The following CCNJ variants were observed in gnomAD, a reference collection of about 807,000 sequenced individuals.
The protein encoded by CCNJ is cyclin J.
CCNJ carries 12 observed loss-of-function variants against 41.4 expected under a neutral mutation model. That is an observed-to-expected ratio of 0.29 (90% CI 0.19 to 0.47). The LOEUF (loss-of-function observed/expected upper bound fraction) is 0.47. Ranked by LOEUF, CCNJ falls within the 20% of genes least tolerant of loss-of-function variation. The probability of loss-of-function intolerance (pLI) is 1.00; values close to 1 mark genes in which losing one functional copy is unlikely to be tolerated. For missense variants in CCNJ, 340 were observed against 464.6 expected (o/e 0.73, Z 2.47); for synonymous variants, 161 against 173.4 (o/e 0.93, Z 0.56).
chr10:96,059,548 A>G lies in CCNJ; in HGVS notation c.*1307A>G, dbSNP rs758655578. The G allele has an allele frequency of 6.6e-6, 1 of 152,216 alleles. No homozygotes were observed. Among genetic ancestry groups the G allele is most frequent in the African/African-American group, 2.4e-5 (1 of 41,426 alleles). 9.4% of individuals were successfully genotyped at this position (152,216 alleles called of 1,614,324 possible). ...AATAACCTTAAAAAGTTAAAAAGTC[A>G]TTGTAATAACTGATAAACTGTATAC... is the stretch of plus-strand genomic sequence containing the variant. On this transcript the variant is annotated 3_prime_UTR_variant, in exon 6 of 6. Transcript: ENST00000465148.
At position 96,058,616 on chromosome 10, in the gene CCNJ, T is replaced by TG. The variant is rs1346706343; in HGVS notation, c.*375_*376insG. The TG allele has an allele frequency of 1.2e-5, 5 of 410,390 alleles. No individual in the cohort carries two copies. The highest frequency in any genetic ancestry group is 2.2e-5 in the Non-Finnish European group (5 of 232,456). 25.4% of individuals were successfully genotyped at this position (410,390 alleles called of 1,614,324 possible). ...GGCTTCTAAGTCAAAGACTAAATGTTTATCTCATCTATGGACTTGCCAAAC... is the reference window on the plus strand; with the variant it reads ...GGCTTCTAAGTCAAAGACTAAATGTTGTATCTCATCTATGGACTTGCCAAAC... On this transcript the variant is annotated 3_prime_UTR_variant, in exon 6 of 6. Transcript: ENST00000465148.
intron 2 of CCNJ, among the ~76,000 whole-genome samples, chr10:96,048,670 A>G (rs1243462778): frequency 1.3e-5 from 2 of 152,220 alleles, no homozygotes; most frequent in Non-Finnish European, 2.9e-5. Context: ...TAGGTAACTC[A>G]TTAAGTGGAA....
In CCNJ at chr10:96,043,695, G is replaced by A. The variant is rs943597021; in HGVS notation, c.-66G>A. On this transcript the variant is annotated 5_prime_UTR_variant, in exon 1 of 6. Transcript: ENST00000465148. Reference sequence around the variant, plus strand: ...GCGTCCGCCGCACGACGGCGGGGCTGGGGCTGTGAGGGCCGCGGTTCCGGG... The same window carrying A: ...GCGTCCGCCGCACGACGGCGGGGCTAGGGCTGTGAGGGCCGCGGTTCCGGG... The A allele has an allele frequency of 1.1e-4, 44 of 393,378 alleles. No homozygotes were observed. The highest frequency in any genetic ancestry group is 1.8e-4 in the Non-Finnish European group (39 of 222,792). The allele number at this position is 393,378 out of a possible 1,614,324, so 24.4% of individuals were successfully genotyped here. A position where few individuals can be genotyped will look rare whatever the true frequency, so the allele number is the denominator to read the frequency against.
Position 96,052,225 on chromosome 10 carries a change from A to G in CCNJ, c.280+1759A>G, listed in dbSNP as rs537520183. Among the ~76,000 whole-genome samples, 26 of 152,304 alleles carry G rather than the reference A, an allele frequency of 1.7e-4. No homozygotes were observed. In the South Asian group the frequency reaches 5.2e-3, roughly 30 times the overall value. ...TGTATGTGTTTAATCACTGGCTGTGAAGCCCTTTGGGGTTTAATAGTTTGT... is the reference window on the plus strand; with the variant it reads ...TGTATGTGTTTAATCACTGGCTGTGGAGCCCTTTGGGGTTTAATAGTTTGT... On this transcript the variant is annotated intron_variant, in intron 3 of 5. Transcript: ENST00000465148.
chr10:96,050,324 G>T lies in CCNJ; in HGVS notation c.138G>T (p.Leu46Phe). Residue 46 changes from leucine (L) to phenylalanine (F), a missense_variant, in exon 3 of 6, where the codon TTG becomes TTT. Physicochemically the swap from Leu to Phe is conservative, Grantham distance 22. Transcript: ENST00000465148. ...QLSLRRYFAD[L>F]IAIVSNRFTL... ...GTCTCAGACGGTATTTTGCTGACTT[G>T]ATTGCCATTGTGAGCAATCGCTTCA... 1 of 1,614,094 alleles carries T rather than the reference G, an allele frequency of 6.2e-7. No individual in the cohort carries two copies. Among genetic ancestry groups the T allele is most frequent in the South Asian group, 1.1e-5 (1 of 91,084 alleles).
At chr10:96,044,609 T>A in intron 2 of CCNJ, 147 bp downstream of exon 2, 1 of 543,222 alleles carries the variant, frequency 1.8e-6, no homozygotes, top group Non-Finnish European at 3.0e-6. Flanking sequence ...CAAGGTTAAT[T>A]AACTTCTTGG....
In CCNJ at chr10:96,058,218, A is replaced by G. The variant is rs1035915109; in HGVS notation, c.1129A>G (p.Ile377Val). ...TCAGATAAATGAACATTACCCTTGT[A>G]TTACTCCATGTTTTGAAAGGTGATT... is the stretch of plus-strand genomic sequence containing the variant. ...SYQINEHYPC[I>V]TPCFER Residue 377 changes from isoleucine (I) to valine (V), a missense_variant, in exon 6 of 6, where the codon ATT becomes GTT. Physicochemically the swap from Ile to Val is conservative, Grantham distance 29 (BLOSUM62 3). This residue lies in a region of CCNJ where 159 missense variants were observed against 168.2 expected (regional missense o/e 0.95). Coordinates refer to ENST00000465148, the MANE Select transcript of CCNJ (RefSeq NM_001134375.2). The G allele has an allele frequency of 1.2e-6, 2 of 1,613,008 alleles. No individual in the cohort carries two copies. Among genetic ancestry groups the G allele is most frequent in the Non-Finnish European group, 1.7e-6 (2 of 1,179,052 alleles).
intron 3 of CCNJ, among the ~76,000 whole-genome samples, chr10:96,050,997 C>A (rs2080506036): frequency 6.6e-6 from 1 of 152,116 alleles, no homozygotes; most frequent in South Asian, 2.1e-4. Flanking sequence ...AATTCTCTGT[C>A]CCAAAACATC....
At chr10:96,051,291 C>T (rs1313923211) in intron 3 of CCNJ, among the ~76,000 whole-genome samples, 3 of 152,064 alleles carry the variant, frequency 2.0e-5, no homozygotes, top group African/African-American at 4.8e-5. Flanking sequence ...CGTTGGTACT[C>T]TCACTGAAGA....
intron 3 of CCNJ, among the ~76,000 whole-genome samples, chr10:96,056,178 G>A (rs947780873): frequency 1.1e-4 from 17 of 151,904 alleles, no homozygotes; most frequent in Admixed American, 2.6e-4. Flanking sequence ...GCGTGGTGGC[G>A]GGCGCCTGTA....
upstream of CCNJ, chr10:96,043,577 T>C (rs2080271871): frequency 5.1e-6 from 2 of 395,044 alleles, no homozygotes; most frequent in Admixed American, 4.4e-5. Context: ...CGCCTGCCGG[T>C]CCTTTAACAA....
intron 2 of CCNJ, among the ~76,000 whole-genome samples, chr10:96,047,806 C>T (rs1226673658): frequency 6.6e-6 from 1 of 152,092 alleles, no homozygotes; most frequent in African/African-American, 2.4e-5. Flanking sequence ...TTCAGGGGTA[C>T]GTGTGCAGGA....
At position 96,057,940 on chromosome 10, in the gene CCNJ, A is replaced by G. The variant is rs780555156; in HGVS notation, c.851A>G (p.His284Arg). 50 of 1,614,074 alleles carry G rather than the reference A, an allele frequency of 3.1e-5. No homozygotes were observed. The highest frequency in any genetic ancestry group is 4.0e-5 in the Non-Finnish European group (47 of 1,180,046). The change falls in exon 6 of 6, where the codon CAC (histidine) becomes CGC (arginine). Residue 284 changes from histidine (H) to arginine (R), a missense_variant. Physicochemically the swap from His to Arg is conservative, Grantham distance 29. This residue lies in a region of CCNJ where 159 missense variants were observed against 168.2 expected (regional missense o/e 0.95). Transcript: ENST00000465148. ...GCCTCCCAGCCATCACGGCCAGTTC[A>G]CTTTCAGCAACCTCAGTATCTCCAT... ...QTASQPSRPV[H>R]FQQPQYLHQT...
Position 96,059,804 on chromosome 10 carries a change from A to G in CCNJ, c.*1563A>G, listed in dbSNP as rs541924150. The G allele has an allele frequency of 2.6e-5, 4 of 152,796 alleles. No individual in the cohort carries two copies. Among genetic ancestry groups the G allele is most frequent in the African/African-American group, 9.6e-5 (4 of 41,576 alleles). 9.5% of individuals were successfully genotyped at this position (152,796 alleles called of 1,614,324 possible). On this transcript the variant is annotated 3_prime_UTR_variant, in exon 6 of 6. Transcript: ENST00000465148. ...ATCAAGCCAATGGCCTTTGTCAGGAAGGGAAGGGGCTCAACACAGTGATGG... is the reference window on the plus strand; with the variant it reads ...ATCAAGCCAATGGCCTTTGTCAGGAGGGGAAGGGGCTCAACACAGTGATGG...
chr10:96,044,665 A>G (rs537564623), intron 2 of CCNJ, among the ~76,000 whole-genome samples: 1 of 152,318 alleles, frequency 6.6e-6, no homozygotes, highest in East Asian at 1.9e-4. Flanking sequence ...CTGAATGAGT[A>G]GGGAGATGGT....
At chr10:96,044,282 A>G in intron 1 of CCNJ, 71 bp from the exon 2 acceptor site, 1 of 806,778 alleles carries the variant, frequency 1.2e-6, no homozygotes, top group Non-Finnish European at 1.8e-6. Flanking sequence ...CTGAGGTCAC[A>G]CCCCCCGGGG....
intron 3 of CCNJ, among the ~76,000 whole-genome samples, chr10:96,053,804 G>C (rs1047299672): frequency 6.6e-6 from 1 of 151,946 alleles, no homozygotes; most frequent in Non-Finnish European, 1.5e-5. Flanking sequence ...TCTCACAGTT[G>C]GTTTAATTTA....
rs562863283 is a variant in CCNJ, at chr10:96,044,094, A to G, written c.-41-259A>G. Among the ~76,000 whole-genome samples, 5 of 152,222 alleles carry G rather than the reference A, an allele frequency of 3.3e-5. No individual in the cohort carries two copies. In the South Asian group the frequency reaches 1.0e-3, roughly 32 times the overall value. On this transcript the variant is annotated intron_variant, in intron 1 of 5. Transcript: ENST00000465148. The stretch of plus-strand genomic sequence containing the variant: ...TCGCACCTGGCTCCGCGCTTTGGCA[A>G]CTCAGGGCCCGAGTGGATCCCCTTT...
Position 96,059,726 on chromosome 10 carries a change from C to T in CCNJ, c.*1485C>T, listed in dbSNP as rs1367079082. The T allele has an allele frequency of 6.6e-6, 1 of 152,260 alleles. No individual in the cohort carries two copies. Among genetic ancestry groups the T allele is most frequent in the African/African-American group, 2.4e-5 (1 of 41,304 alleles). The allele number at this position is 152,260 out of a possible 1,614,324, so 9.4% of individuals were successfully genotyped here. A position where few individuals can be genotyped will look rare whatever the true frequency, so the allele number is the denominator to read the frequency against. On this transcript the variant is annotated 3_prime_UTR_variant, in exon 6 of 6. Coordinates refer to ENST00000465148, the MANE Select transcript of CCNJ (RefSeq NM_001134375.2). ...GATACGTGACTGCCACAATATGCATCGAAGACAAACTTACTATAAAGATGT... is the reference window on the plus strand; with the variant it reads ...GATACGTGACTGCCACAATATGCATTGAAGACAAACTTACTATAAAGATGT...
Sources: allele counts gnomAD v4.1 joint callset (sites outside exome capture counted in the v4.1 genomes callset), GRCh38; gene constraint gnomAD v4.1.1; regional missense constraint gnomAD v4.1.1; transcripts MANE v1.5; gene names NCBI Gene and HGNC (gene_info 2026-07-23, HGNC 2026-07-21).